The following SLC25A12 variants were observed in gnomAD, a reference collection of about 807,000 sequenced individuals.
SLC25A12 encodes the protein solute carrier family 25 member 12, also known as electrogenic aspartate/glutamate antiporter SLC25A12, mitochondrial.
Under a neutral mutation model 83.3 loss-of-function variants are expected in SLC25A12, and 32 were observed. The ratio of observed to expected loss-of-function variants is 0.38; its 90% CI spans 0.29 to 0.52. SLC25A12 has a LOEUF of 0.52. Ranked by LOEUF, SLC25A12 falls within the 20% of genes least tolerant of loss-of-function variation. SLC25A12 has a pLI of 0.84. For synonymous variants in SLC25A12, 267 were observed against 291.1 expected (o/e 0.92, Z 0.84); for missense variants, 611 against 835.6 (o/e 0.73, Z 3.31).
intron 6 of SLC25A12, among the ~76,000 whole-genome samples, chr2:171,836,877 A>T (rs1285161440): frequency 2.1e-5 from 3 of 144,060 alleles, no homozygotes; most frequent in Admixed American, 2.0e-4. Flanking sequence ...GAATAAAACT[A>T]TGATCCGGGA....
At chr2:171,839,775 A>G (rs1016299020) in intron 5 of SLC25A12, among the ~76,000 whole-genome samples, 1 of 152,186 alleles carries the variant, frequency 6.6e-6, no homozygotes, top group African/African-American at 2.4e-5. Flanking sequence ...AATGTACATG[A>G]CAGGACCCCC....
At chr2:171,788,125 T>C in intron 15 of SLC25A12, 178 bp from the exon 16 acceptor site, 1 of 612,598 alleles carries the variant, frequency 1.6e-6, no homozygotes, top group Non-Finnish European at 2.9e-6. Context: ...TGTTGCAGTG[T>C]GATCAGGGGA....
chr2:171,839,769 T>C (rs1391412911), intron 5 of SLC25A12, among the ~76,000 whole-genome samples: 1 of 152,198 alleles, frequency 6.6e-6, no homozygotes, highest in Non-Finnish European at 1.5e-5. Context: ...GAAGCCAATG[T>C]ACATGACAGG....
At chr2:171,854,988 A>C (rs1392034987) in intron 4 of SLC25A12, among the ~76,000 whole-genome samples, 2 of 152,188 alleles carry the variant, frequency 1.3e-5, no homozygotes, top group East Asian at 3.8e-4. Flanking sequence ...GATATACTTA[A>C]TACTACTAAA....
At position 171,815,161 on chromosome 2, in the gene SLC25A12, G is replaced by C. The variant is rs200048270; in HGVS notation, c.972C>G (p.Ala324=). ...CCAGAGTGAATCTGTAAGCAGACTC[G>C]GCAATCTGGAGCCAGATAGGCCTGC... is the stretch of plus-strand genomic sequence containing the variant. ...GLGRPIWLQI[A]ESAYRFTLGS... Residue 324 remains alanine (A), a synonymous_variant, in exon 10 of 18, where the codon GCC becomes GCG. Transcript: ENST00000422440. 1.2e-6 allele frequency: 2 copies of C among 1,613,724 alleles called. No homozygotes were observed. The highest frequency in any genetic ancestry group is 1.3e-5 in the African/African-American group (1 of 74,984).
chr2:171,847,684 T>A (rs112015295), intron 4 of SLC25A12, among the ~76,000 whole-genome samples: 2 of 152,204 alleles, frequency 1.3e-5, no homozygotes, highest in African/African-American at 2.4e-5. Context: ...AATCACGATA[T>A]AGTATTTTAT....
At chr2:171,847,083 A>C (rs1320763983) in intron 4 of SLC25A12, among the ~76,000 whole-genome samples, 1 of 152,112 alleles carries the variant, frequency 6.6e-6, no homozygotes, top group Non-Finnish European at 1.5e-5. Flanking sequence ...AGCTTTATAT[A>C]TGGTTTTGTT....
chr2:171,845,366 A>G lies in SLC25A12; in HGVS notation c.326-858T>C, dbSNP rs535864039. 2.0e-5 allele frequency among the ~76,000 whole-genome samples: 3 copies of G among 152,116 alleles called. No homozygotes were observed. The South Asian group carries it at 6.2e-4, about 32-fold the overall frequency. On this transcript the variant is annotated intron_variant, in intron 4 of 17. Transcript: ENST00000422440. ...TAACAAGCATAGACTGGATAAACTA[A>G]TTTAGAAGCTCATGCCAAAAAAAAA...
At chr2:171,868,614 G>T in intron 3 of SLC25A12, 67 bp downstream of exon 3, 1 of 1,519,988 alleles carries the variant, frequency 6.6e-7, no homozygotes, top group Non-Finnish European at 9.1e-7. Flanking sequence ...GTGCCCAGCT[G>T]GTTTTTTAAA....
At chr2:171,794,781 TATA>T (rs1479141444) in intron 13 of SLC25A12, among the ~76,000 whole-genome samples, 2 of 152,214 alleles carry the variant, frequency 1.3e-5, no homozygotes, top group Non-Finnish European at 2.9e-5. Context: ...ACCATACTCA[TATA>T]ATATTCATAA....
At chr2:171,834,119 C>A (rs188056479) in intron 7 of SLC25A12, 63 bp from the exon 8 acceptor site, 1 of 896,420 alleles carries the variant, frequency 1.1e-6, no homozygotes, top group Admixed American at 1.7e-5. Flanking sequence ...AAAGTTCTAC[C>A]TTCACCAACT....
intron 1 of SLC25A12, 42 bp downstream of exon 1, chr2:171,894,161 G>C (rs751073585): frequency 6.3e-7 from 1 of 1,599,314 alleles, no homozygotes; most frequent in South Asian, 1.1e-5. Context: ...CGCTCGGAAT[G>C]TCTCTTATGC....
intron 9 of SLC25A12, among the ~76,000 whole-genome samples, chr2:171,820,915 T>C (rs1574698036): frequency 6.6e-6 from 1 of 151,716 alleles, no homozygotes; most frequent in African/African-American, 2.4e-5. Flanking sequence ...TTTCTCTCAC[T>C]GTAGGTCATC....
rs776732601 is a variant in SLC25A12, at chr2:171,813,510, C to A, written c.1013-13G>T. On this transcript the variant is annotated splice_polypyrimidine_tract_variant and intron_variant, in intron 10 of 17. Transcript: ENST00000422440. ...GTGGCTCCCACAGCTACAAACAGAA[C>A]AATTTTTAGGCTTAAAAAAGAACAC... is the stretch of plus-strand genomic sequence containing the variant. 100 of 1,613,546 alleles carry A rather than the reference C, an allele frequency of 6.2e-5. No individual in the cohort carries two copies. The highest frequency in any genetic ancestry group is 8.2e-5 in the Non-Finnish European group (97 of 1,179,706).
At chr2:171,826,417 G>A (rs1204346551) in intron 9 of SLC25A12, among the ~76,000 whole-genome samples, 3 of 152,200 alleles carry the variant, frequency 2.0e-5, no homozygotes, top group Non-Finnish European at 4.4e-5. Context: ...AGACCAGCCT[G>A]CCCAACATGG....
At chr2:171,818,465 A>G (rs1157434092) in intron 9 of SLC25A12, among the ~76,000 whole-genome samples, 1 of 151,528 alleles carries the variant, frequency 6.6e-6, no homozygotes, top group Non-Finnish European at 1.5e-5. Flanking sequence ...TGTTATACGT[A>G]TCTCATTTTG....
rs569002971 is a variant in SLC25A12, at chr2:171,812,357, G to C, written c.1171+982C>G. On this transcript the variant is annotated intron_variant, in intron 11 of 17. Transcript: ENST00000422440. ...TCTGTTCGGGCCCAGTCTTTCTTAG[G>C]AAGATTTCTAAGCCAAATAGTTCAA... Among the ~76,000 whole-genome samples the C allele has an allele frequency of 1.4e-4, 22 of 152,176 alleles. No individual in the cohort carries two copies. The South Asian group carries it at 3.5e-3, about 24-fold the overall frequency.
At chr2:171,879,719 CA>C in intron 2 of SLC25A12, among the ~76,000 whole-genome samples, 1 of 152,292 alleles carries the variant, frequency 6.6e-6, no homozygotes, top group African/African-American at 2.4e-5. Context: ...TAAGCTTGGG[CA>C]AATCATGTCG....
chr2:171,788,089 G>C, intron 15 of SLC25A12, 142 bp from the exon 16 acceptor site: 3 of 773,648 alleles, frequency 3.9e-6, no homozygotes, highest in Non-Finnish European at 6.5e-6. Context: ...GCCATTAATG[G>C]GAAAAGGGCA....
Sources: allele counts gnomAD v4.1 joint callset (sites outside exome capture counted in the v4.1 genomes callset), GRCh38; gene constraint gnomAD v4.1.1; transcripts MANE v1.5; gene names NCBI Gene and HGNC (gene_info 2026-07-23, HGNC 2026-07-21).